The following ADAMTSL1 variants were observed in gnomAD, a reference collection of about 807,000 sequenced individuals.
The protein encoded by ADAMTSL1 is ADAMTS-like protein 1.
In ADAMTSL1, 126 loss-of-function variants were observed where a neutral mutation model predicts 201.8. The ratio of observed to expected loss-of-function variants is 0.62; its 90% CI spans 0.54 to 0.72. The LOEUF (loss-of-function observed/expected upper bound fraction) is 0.72. ADAMTSL1 is among the 30% of genes least tolerant of loss of function. The probability of loss-of-function intolerance (pLI) is 0.00; values close to 1 mark genes in which losing one functional copy is unlikely to be tolerated. For missense variants in ADAMTSL1, 2,679 were observed against 2,277.8 expected (o/e 1.18, Z -3.59); for synonymous variants, 1,121 against 903.4 (o/e 1.24, Z -4.32).
intron 1 of ADAMTSL1, among the ~76,000 whole-genome samples, chr9:18,063,467 T>C (rs1321595011): frequency 6.6e-6 from 1 of 152,254 alleles, no homozygotes; most frequent in African/African-American, 2.4e-5. Context: ...TTAAATCTCT[T>C]TCCTCTTTTA....
intron 4 of ADAMTSL1, among the ~76,000 whole-genome samples, chr9:18,591,294 T>C (rs1387621207): frequency 6.6e-6 from 1 of 152,146 alleles, no homozygotes; most frequent in Non-Finnish European, 1.5e-5. Context: ...CTTTTTACAG[T>C]TTTTGACTTA....
chr9:18,529,965 T>C (rs1433435601), intron 2 of ADAMTSL1, among the ~76,000 whole-genome samples: 1 of 152,210 alleles, frequency 6.6e-6, no homozygotes, highest in Non-Finnish European at 1.5e-5. Flanking sequence ...TAAATCCATC[T>C]TTTACATTCT....
intron 4 of ADAMTSL1, among the ~76,000 whole-genome samples, chr9:18,594,187 C>T (rs963528642): frequency 6.6e-6 from 1 of 151,856 alleles, no homozygotes; most frequent in African/African-American, 2.4e-5. Flanking sequence ...GCGTATTTTC[C>T]CACTCCTTCC....
intron 2 of ADAMTSL1, among the ~76,000 whole-genome samples, chr9:18,316,139 G>A (rs1291378948): frequency 3.3e-5 from 5 of 152,144 alleles, no homozygotes; most frequent in African/African-American, 1.2e-4. Context: ...ATAGGTGTGG[G>A]TCACAGACAT....
At chr9:18,090,096 A>T (rs181270150) in intron 1 of ADAMTSL1, among the ~76,000 whole-genome samples, 94 of 152,290 alleles carry the variant, frequency 6.2e-4, no homozygotes, top group Admixed American at 2.4e-3. Context: ...GATGTCTATT[A>T]TGAAAAAGAA....
At chr9:18,169,675 G>C (rs1444066503) in intron 2 of ADAMTSL1, among the ~76,000 whole-genome samples, 1 of 152,116 alleles carries the variant, frequency 6.6e-6, no homozygotes, top group Admixed American at 6.6e-5. Context: ...GTCATTGGTA[G>C]CTTGATGGAG....
At chr9:18,281,680 A>C (rs1305616127) in intron 2 of ADAMTSL1, among the ~76,000 whole-genome samples, 1 of 152,238 alleles carries the variant, frequency 6.6e-6, no homozygotes, top group Non-Finnish European at 1.5e-5. Flanking sequence ...CAAAGGGCTC[A>C]GACAACCTGT....
rs370826847 is a variant in ADAMTSL1 at position 18,777,021 on chromosome 9, A to C, written c.2792A>C (p.Tyr931Ser). 1.4e-4 allele frequency: 217 copies of C among 1,607,372 alleles called. No homozygotes were observed. Among genetic ancestry groups the C allele is most frequent in the Non-Finnish European group, 1.7e-4 (203 of 1,175,738 alleles). The change falls in exon 19 of 29, where the codon TAT becomes TCT. Residue 931 changes from tyrosine (Y) to serine (S), a missense_variant. Transcript: ENST00000380548. ...CACGTCACGGTGGCCCCCTTCGGCT[A>C]TCTCAAGATCCACCGCCTCAAGCCC... is the stretch of plus-strand genomic sequence containing the variant. ...STHVTVAPFG[Y>S]LKIHRLKPSD...
At chr9:18,679,672 G>C (rs887056472) in intron 10 of ADAMTSL1, among the ~76,000 whole-genome samples, 12 of 152,088 alleles carry the variant, frequency 7.9e-5, no homozygotes, top group African/African-American at 2.9e-4. Context: ...AACAGTTAGG[G>C]AATATGTAGA....
intron 1 of ADAMTSL1, among the ~76,000 whole-genome samples, chr9:17,980,847 C>T (rs966534218): frequency 1.1e-4 from 17 of 152,120 alleles, no homozygotes; most frequent in African/African-American, 4.1e-4. Flanking sequence ...TACAGACATT[C>T]TGACATCTGC....
chr9:18,439,826 C>G, intron 2 of ADAMTSL1, among the ~76,000 whole-genome samples: 1 of 152,184 alleles, frequency 6.6e-6, no homozygotes, highest in Admixed American at 6.5e-5. Flanking sequence ...CCCATTTCAT[C>G]TTCATACAGC....
intron 1 of ADAMTSL1, among the ~76,000 whole-genome samples, chr9:18,503,235 A>C (rs1157284097): frequency 6.6e-6 from 1 of 151,566 alleles, no homozygotes; most frequent in East Asian, 1.9e-4. Context: ...CCCATTCTAG[A>C]CACAGACACA....
chr9:18,018,007 G>A (rs1386074719), intron 1 of ADAMTSL1, among the ~76,000 whole-genome samples: 1 of 152,046 alleles, frequency 6.6e-6, no homozygotes, highest in Non-Finnish European at 1.5e-5. Context: ...TGGCCTGAGG[G>A]ATAACTGCAG....
intron 26 of ADAMTSL1, among the ~76,000 whole-genome samples, chr9:18,898,152 G>A (rs1015557137): frequency 1.3e-5 from 2 of 152,294 alleles, no homozygotes; most frequent in Admixed American, 6.5e-5. Context: ...TCATGCCACT[G>A]CATTCCAGCC....
chr9:18,809,418 T>C (rs775328188), intron 20 of ADAMTSL1, among the ~76,000 whole-genome samples: 8 of 152,096 alleles, frequency 5.3e-5, no homozygotes, highest in Non-Finnish European at 1.2e-4. Flanking sequence ...AGCACTGTGA[T>C]TGATGGGGAG....
intron 2 of ADAMTSL1, among the ~76,000 whole-genome samples, chr9:18,260,651 G>T (rs1831882627): frequency 6.6e-6 from 1 of 152,194 alleles, no homozygotes. Context: ...TGCCAATCTG[G>T]TTGCCTACTT....
intron 2 of ADAMTSL1, among the ~76,000 whole-genome samples, chr9:18,233,403 A>G (rs1218538656): frequency 1.3e-5 from 2 of 152,244 alleles, no homozygotes; most frequent in Admixed American, 6.5e-5. Flanking sequence ...GTATATAAAG[A>G]TAAGATCCTA....
At chr9:18,559,599 A>C (rs972534028) in intron 3 of ADAMTSL1, among the ~76,000 whole-genome samples, 1 of 152,212 alleles carries the variant, frequency 6.6e-6, no homozygotes, top group Non-Finnish European at 1.5e-5. Context: ...AACTTTGGGC[A>C]TGATGGCCAT....
At chr9:18,372,795 C>A (rs1297450040) in intron 2 of ADAMTSL1, among the ~76,000 whole-genome samples, 1 of 152,084 alleles carries the variant, frequency 6.6e-6, no homozygotes, top group Non-Finnish European at 1.5e-5. Flanking sequence ...TTTCTGTATA[C>A]CTAACCACTT....
Sources: allele counts gnomAD v4.1 joint callset (sites outside exome capture counted in the v4.1 genomes callset), GRCh38; gene constraint gnomAD v4.1.1; transcripts MANE v1.5; gene names NCBI Gene and HGNC (gene_info 2026-07-23, HGNC 2026-07-21).